Variants in RUBCN observed in about 807,000 individuals in gnomAD.
The protein encoded by RUBCN is rubicon autophagy regulator, also known as run domain Beclin-1-interacting and cysteine-rich domain-containing protein.
A neutral mutation model predicts 113.2 loss-of-function variants in RUBCN; 74 were observed. The ratio of observed to expected loss-of-function variants is 0.65; its 90% CI spans 0.54 to 0.79. The LOEUF (loss-of-function observed/expected upper bound fraction) is 0.79. Ranked by LOEUF, RUBCN falls within the 30% of genes least tolerant of loss-of-function variation. The pLI, the probability that RUBCN is intolerant of heterozygous loss-of-function variation, is 0.00. For missense variants in RUBCN, 1,109 were observed against 1,251.7 expected (o/e 0.89, Z 1.72); for synonymous variants, 480 against 490.0 (o/e 0.98, Z 0.27).
intron 2 of RUBCN, 63 bp from the exon 3 acceptor site, chr3:197,705,238 G>T: frequency 6.8e-7 from 1 of 1,464,284 alleles, no homozygotes; most frequent in Non-Finnish European, 9.5e-7. Flanking sequence ...TAGTTCTAGG[G>T]TTGGCATTCA....
intron 5 of RUBCN, among the ~76,000 whole-genome samples, chr3:197,702,868 C>A (rs1723838309): frequency 6.6e-6 from 1 of 152,196 alleles, no homozygotes; most frequent in Admixed American, 6.5e-5. Context: ...CATGAAAAAA[C>A]TGACCCCGTG....
At position 197,668,948 on chromosome 3, in the gene RUBCN, A is replaced by C. The variant is rs986340907; in HGVS notation, c.*6070T>G. Among the ~76,000 whole-genome samples the C allele has an allele frequency of 6.6e-6, 1 of 152,224 alleles. No homozygotes were observed. Among genetic ancestry groups the C allele is most frequent in the Non-Finnish European group, 1.5e-5 (1 of 68,040 alleles). On this transcript the variant is annotated 3_prime_UTR_variant, in exon 20 of 20. Coordinates refer to ENST00000296343, the MANE Select transcript of RUBCN (RefSeq NM_014687.4). ...AGATAAGAGGAAAAAATACTCCACA[A>C]TGCCACCATTCTAACAGAACCACAC...
intron 11 of RUBCN, among the ~76,000 whole-genome samples, chr3:197,691,822 CTCTT>C (rs889024686): frequency 1.6e-4 from 24 of 152,168 alleles, no homozygotes; most frequent in African/African-American, 5.5e-4. Context: ...AGGTCAGACC[CTCTT>C]TCTTTTTTTT....
In RUBCN at chr3:197,736,731, A is replaced by G; in HGVS notation, c.-12T>C. On this transcript the variant is annotated 5_prime_UTR_variant, in exon 1 of 20. Coordinates refer to ENST00000296343, the MANE Select transcript of RUBCN (RefSeq NM_014687.4). ...CCCTCCGGCCGCATCCGGGGCGGTG[A>G]GGCCGCCTCTTCGCCCAAGAGAGGC... 6.5e-7 allele frequency: 1 copy of G among 1,528,518 alleles called. No individual in the cohort carries two copies. The highest frequency in any genetic ancestry group is 8.7e-7 in the Non-Finnish European group (1 of 1,144,560). The allele number at this position is 1,528,518 out of a possible 1,614,324, so 94.7% of individuals were successfully genotyped here.
chr3:197,704,246 C>T (rs1724029789), intron 4 of RUBCN, among the ~76,000 whole-genome samples: 1 of 152,146 alleles, frequency 6.6e-6, no homozygotes, highest in Non-Finnish European at 1.5e-5. Flanking sequence ...ACCTGCCTGA[C>T]CAACATGGAG....
At chr3:197,749,734 G>A (rs968673548), upstream of RUBCN, 5 of 613,918 alleles carry the variant, frequency 8.1e-6, no homozygotes, top group Non-Finnish European at 1.5e-5. Context: ...TAGCACAGCG[G>A]CTGCAATGCC....
rs1560425109 is a variant in RUBCN at position 197,694,519 on chromosome 3, T to C, written c.1540A>G (p.Met514Val). 1 of 1,614,230 alleles carries C rather than the reference T, an allele frequency of 6.2e-7. No homozygotes were observed. Among genetic ancestry groups the C allele is most frequent in the Admixed American group, 1.7e-5 (1 of 60,036 alleles). The change falls in exon 10 of 20, where the codon ATG becomes GTG. Residue 514 changes from methionine (M) to valine (V), a missense_variant. Met to Val is a conservative substitution (Grantham distance 21). Transcript: ENST00000296343. Reference protein sequence around the residue: ...AAIELMKCNMMSQCLEEEEVE... With the variant: ...AAIELMKCNMVSQCLEEEEVE... Reference sequence around the variant, plus strand: ...TCCTCCTCCTCTAGGCACTGGCTCATCATGTTGCACTTCATTAGCTCGATG... The same window carrying C: ...TCCTCCTCCTCTAGGCACTGGCTCACCATGTTGCACTTCATTAGCTCGATG...
intron 13 of RUBCN, 58 bp from the exon 14 acceptor site, chr3:197,682,673 G>A: frequency 6.2e-7 from 1 of 1,609,064 alleles, no homozygotes; most frequent in South Asian, 1.1e-5. Flanking sequence ...CCGTCATCTG[G>A]TGAGATGGGC....
At position 197,669,028 on chromosome 3, in the gene RUBCN, C is replaced by T. The variant is rs1719569403; in HGVS notation, c.*5990G>A. Among the ~76,000 whole-genome samples, 1 of 152,154 alleles carries T rather than the reference C, an allele frequency of 6.6e-6. No homozygotes were observed. Among genetic ancestry groups the T allele is most frequent in the African/African-American group, 2.4e-5 (1 of 41,422 alleles). Reference sequence around the variant, plus strand: ...TTTTTCTAACCATATTTTTGCATAACTGTAATTATGATGTACATATGCTTT... The same window carrying T: ...TTTTTCTAACCATATTTTTGCATAATTGTAATTATGATGTACATATGCTTT... On this transcript the variant is annotated 3_prime_UTR_variant, in exon 20 of 20. Transcript: ENST00000296343.
chr3:197,703,509 G>T, intron 5 of RUBCN, 39 bp downstream of exon 5: 1 of 1,377,946 alleles, frequency 7.3e-7, no homozygotes, highest in Non-Finnish European at 1.0e-6. Context: ...GAGCTCCAGG[G>T]ACCCAGCATA....
chr3:197,702,532 G>A (rs879847861), intron 5 of RUBCN, among the ~76,000 whole-genome samples: 34 of 152,002 alleles, frequency 2.2e-4, no homozygotes, highest in African/African-American at 5.3e-4. Context: ...GCGTGGTGGC[G>A]TGCACCTGTA....
At position 197,715,385 on chromosome 3, in the gene RUBCN, G is replaced by A. The variant is rs569561138; in HGVS notation, c.219+2592C>T. ...TACAATCAAACTACCATTCATAAGC[G>A]TCAACAAGGTATCTATAAAGTAAAA... On this transcript the variant is annotated intron_variant, in intron 2 of 19. Coordinates refer to ENST00000296343, the MANE Select transcript of RUBCN (RefSeq NM_014687.4). Among the ~76,000 whole-genome samples, 14 of 151,620 alleles carry A rather than the reference G, an allele frequency of 9.2e-5. No individual in the cohort carries two copies. In the East Asian group the frequency reaches 9.7e-4, roughly 10 times the overall value.
intron 9 of RUBCN, among the ~76,000 whole-genome samples, chr3:197,694,878 C>T (rs1159484599): frequency 6.6e-6 from 1 of 152,162 alleles, no homozygotes; most frequent in African/African-American, 2.4e-5. Flanking sequence ...TACACCTGTA[C>T]ACAAAATATT....
intron 2 of RUBCN, among the ~76,000 whole-genome samples, chr3:197,706,455 A>T (rs773322235): frequency 2.0e-5 from 3 of 151,958 alleles, no homozygotes; most frequent in Non-Finnish European, 4.4e-5. Flanking sequence ...GGCTGAGGTG[A>T]GCGGATCACT....
chr3:197,700,472 CTTCT>C (rs1723517954), intron 7 of RUBCN, 137 bp downstream of exon 7: 6 of 771,218 alleles, frequency 7.8e-6, no homozygotes, highest in Admixed American at 2.5e-5. Flanking sequence ...TCGTTATAAA[CTTCT>C]TTCATTACAA....
At chr3:197,701,945 A>C in intron 5 of RUBCN, 81 bp from the exon 6 acceptor site, 2 of 1,326,448 alleles carry the variant, frequency 1.5e-6, no homozygotes, top group East Asian at 4.9e-5. Context: ...AGTACTGCAG[A>C]AATGCCATAG....
In RUBCN at chr3:197,674,989, G is replaced by A. The variant is rs756231776; in HGVS notation, c.*29C>T. 5 of 1,606,060 alleles carry A rather than the reference G, an allele frequency of 3.1e-6. No individual in the cohort carries two copies. Among genetic ancestry groups the A allele is most frequent in the Admixed American group, 1.7e-5 (1 of 59,992 alleles). On this transcript the variant is annotated 3_prime_UTR_variant, in exon 20 of 20. Coordinates refer to ENST00000296343, the MANE Select transcript of RUBCN (RefSeq NM_014687.4). ...TCAGTTCTGCAACAGGTGTGACCCG[G>A]CCCGGAGGGAGGGCTGCACGTGCTT...
At chr3:197,738,951 A>C (rs1486709141), upstream of RUBCN, among the ~76,000 whole-genome samples, 2 of 151,872 alleles carry the variant, frequency 1.3e-5, no homozygotes, top group Non-Finnish European at 2.9e-5. Context: ...TATAATCCCA[A>C]ATTAACACTA....
At chr3:197,684,366 A>C in intron 11 of RUBCN, 149 bp from the exon 12 acceptor site, 1 of 752,254 alleles carries the variant, frequency 1.3e-6, no homozygotes, top group East Asian at 2.4e-5. Context: ...GTGAAGCTCT[A>C]AACACAGGTT....
Sources: allele counts gnomAD v4.1 joint callset (sites outside exome capture counted in the v4.1 genomes callset), GRCh38; gene constraint gnomAD v4.1.1; transcripts MANE v1.5; gene names NCBI Gene and HGNC (gene_info 2026-07-23, HGNC 2026-07-21).